Variants in LAMC1 observed in about 807,000 individuals in gnomAD.
LAMC1 encodes laminin subunit gamma 1, also known as laminin subunit gamma-1.
A neutral mutation model predicts 173.6 loss-of-function variants in LAMC1; 38 were observed. That is an observed-to-expected ratio of 0.22 (90% CI 0.17 to 0.29). The LOEUF (loss-of-function observed/expected upper bound fraction) is 0.29. Ranked by LOEUF, LAMC1 falls within the 10% of genes least tolerant of loss-of-function variation. The pLI, the probability that LAMC1 is intolerant of heterozygous loss-of-function variation, is 1.00. For synonymous variants in LAMC1, 746 were observed against 749.1 expected, an observed-to-expected ratio of 1.00 and a Z score of 0.07; for missense variants, 1,824 against 2,051.8, an observed-to-expected ratio of 0.89 and a Z score of 2.14.
chr1:183,075,694 G>C (rs1571424025), intron 1 of LAMC1, among the ~76,000 whole-genome samples: 1 of 152,042 alleles, frequency 6.6e-6, no homozygotes. Flanking sequence ...ACTCATTTTG[G>C]ATACTGATGA....
intron 1 of LAMC1, among the ~76,000 whole-genome samples, chr1:183,026,851 T>C (rs1218337874): frequency 6.6e-6 from 1 of 152,248 alleles, no homozygotes; most frequent in Non-Finnish European, 1.5e-5. Flanking sequence ...TTTTAAATTA[T>C]GAAAATGAAA....
At chr1:183,050,734 A>C (rs1328431326) in intron 1 of LAMC1, among the ~76,000 whole-genome samples, 1 of 150,462 alleles carries the variant, frequency 6.6e-6, no homozygotes, top group East Asian at 2.0e-4. Context: ...TCTACTAAAA[A>C]TACAAAATTA....
chr1:183,126,080 T>TGTTTTTCTTGCC (rs1656610561), intron 15 of LAMC1, 40 bp from the exon 16 acceptor site: 3 of 1,585,594 alleles, frequency 1.9e-6, no homozygotes, highest in Middle Eastern at 1.7e-4. Flanking sequence ...GCTTAAAGTC[T>TGTTTTTCTTGCC]GTTTTTCTTG....
intron 22 of LAMC1, among the ~76,000 whole-genome samples, chr1:183,134,107 A>G (rs1450735454): frequency 2.6e-5 from 4 of 152,318 alleles, no homozygotes; most frequent in East Asian, 1.9e-4. Context: ...TTTATTTCAT[A>G]TCTGTACTCT....
chr1:183,118,377 T>C (rs560445144), intron 11 of LAMC1, among the ~76,000 whole-genome samples: 1 of 152,288 alleles, frequency 6.6e-6, no homozygotes, highest in African/African-American at 2.4e-5. Context: ...GATTACTCAA[T>C]TGATCAGTAG....
intron 24 of LAMC1, among the ~76,000 whole-genome samples, chr1:183,135,750 A>C (rs58423714): frequency 0.017 from 2,527 of 152,038 alleles, 56 homozygotes; most frequent in South Asian, 0.091. Flanking sequence ...TTAGCCGGGC[A>C]TGCTGGCACA....
In LAMC1 at chr1:183,117,670, G is replaced by C. The variant is rs746943795; in HGVS notation, c.1824G>C (p.Leu608Phe). ...EGAGLRVSVPLIAQGNSYPSE... is the reference protein window; with the variant it reads ...EGAGLRVSVPFIAQGNSYPSE... ...CTGGCTTAAGAGTATCTGTACCCTT[G>C]ATCGCTCAGGGCAATTCCTATCCAA... Residue 608 changes from leucine (L) to phenylalanine (F), a missense_variant, in exon 10 of 28, where the codon TTG becomes TTC. By Grantham distance (22) the Leu-to-Phe change is conservative (BLOSUM62 0). Transcript: ENST00000258341. 6.2e-7 allele frequency: 1 copy of C among 1,614,192 alleles called. No homozygotes were observed. Among genetic ancestry groups the C allele is most frequent in the South Asian group, 1.1e-5 (1 of 91,088 alleles).
chr1:183,132,997 G>A (rs1240411303), intron 21 of LAMC1, among the ~76,000 whole-genome samples: 10 of 152,004 alleles, frequency 6.6e-5, no homozygotes, highest in Non-Finnish European at 1.3e-4. Flanking sequence ...TGCATCCTCT[G>A]CCTCCCGGGT....
In LAMC1 at chr1:183,133,460, A is replaced by G. The variant is rs1180366612; in HGVS notation, c.3759A>G (p.Val1253=). 5 of 1,614,046 alleles carry G rather than the reference A, an allele frequency of 3.1e-6. No individual in the cohort carries two copies. In the East Asian group the frequency reaches 6.7e-5, roughly 22 times the overall value. The change falls in exon 22 of 28, where the codon GTA becomes GTG. Residue 1253 remains valine (V), a synonymous_variant. Transcript: ENST00000258341. Reference sequence around the variant, plus strand: ...ATCTGGAAAAACAAGCTGCCCGAGTACATGAGGAGGCCAAAAGGGCCGGTG... The same window carrying G: ...ATCTGGAAAAACAAGCTGCCCGAGTGCATGAGGAGGCCAAAAGGGCCGGTG... The part of the protein sequence containing the change: ...SQDLEKQAAR[V]HEEAKRAGDK...
At chr1:183,071,661 T>C (rs960646941) in intron 1 of LAMC1, among the ~76,000 whole-genome samples, 22 of 152,230 alleles carry the variant, frequency 1.4e-4, no homozygotes, top group Non-Finnish European at 1.5e-5. Context: ...GCTGCACTGC[T>C]GTAAATAAAT....
At position 183,023,602 on chromosome 1, in the gene LAMC1, C is replaced by A; in HGVS notation, c.-115C>A. The A allele has an allele frequency of 1.2e-6, 1 of 804,694 alleles. No individual in the cohort carries two copies. The highest frequency in any genetic ancestry group is 1.6e-6 in the Non-Finnish European group (1 of 632,634). The allele number at this position is 804,694 out of a possible 1,614,324, so 49.8% of individuals were successfully genotyped here. On this transcript the variant is annotated 5_prime_UTR_variant, in exon 1 of 28. Coordinates refer to ENST00000258341, the MANE Select transcript of LAMC1 (RefSeq NM_002293.4). ...CCGCCGCCACCGCCCGCGCCGGAGT[C>A]AGGCCCCTGGGCCCCCAGGCTCAAG...
intron 1 of LAMC1, among the ~76,000 whole-genome samples, chr1:183,091,837 A>T (rs1468083619): frequency 6.6e-6 from 1 of 152,066 alleles, no homozygotes; most frequent in Non-Finnish European, 1.5e-5. Context: ...TTATTATAGG[A>T]AGGAAGGATG....
rs757948982 is a variant in LAMC1, at chr1:183,131,324, G to A, written c.3512G>A (p.Gly1171Glu). ...TCAGTCACTCAGCCAGAATCTACAG[G>A]GGACCCAAACAACATGACTCTTTTG... is the stretch of plus-strand genomic sequence containing the variant. ...NVSVTQPEST[G>E]DPNNMTLLAE... The change falls in exon 20 of 28, where the codon GGG (glycine) becomes GAG (glutamate). Residue 1171 changes from glycine (G) to glutamate (E), a missense_variant. Transcript: ENST00000258341. 2 of 1,613,846 alleles carry A rather than the reference G, an allele frequency of 1.2e-6. No homozygotes were observed. The highest frequency in any genetic ancestry group is 2.2e-5 in the South Asian group (2 of 91,072).
intron 2 of LAMC1, 142 bp downstream of exon 2, chr1:183,103,774 G>A (rs920068070): frequency 1.2e-5 from 7 of 581,526 alleles, no homozygotes; most frequent in African/African-American, 5.5e-5. Context: ...CAGAGAGCTT[G>A]ATTCTGCTCT....
At chr1:183,031,012 T>A (rs577751780) in intron 1 of LAMC1, among the ~76,000 whole-genome samples, 1 of 152,122 alleles carries the variant, frequency 6.6e-6, no homozygotes, top group African/African-American at 2.4e-5. Context: ...ATAAATAAAA[T>A]GTATATATTC....
At chr1:183,083,218 A>G (rs2102052324) in intron 1 of LAMC1, among the ~76,000 whole-genome samples, 1 of 152,328 alleles carries the variant, frequency 6.6e-6, no homozygotes, top group Non-Finnish European at 1.5e-5. Flanking sequence ...TTCATTCCAC[A>G]GGATTAGAGT....
At chr1:183,038,814 G>C (rs1018804494) in intron 1 of LAMC1, among the ~76,000 whole-genome samples, 1 of 152,110 alleles carries the variant, frequency 6.6e-6, no homozygotes, top group Admixed American at 6.6e-5. Context: ...AAGATTTGGA[G>C]TTTAATAGAC....
chr1:183,089,701 C>G (rs1282684566), intron 1 of LAMC1, among the ~76,000 whole-genome samples: 1 of 152,170 alleles, frequency 6.6e-6, no homozygotes, highest in African/African-American at 2.4e-5. Flanking sequence ...TTTAGATCGA[C>G]TTCTGATTGA....
intron 1 of LAMC1, among the ~76,000 whole-genome samples, chr1:183,075,598 AG>A (rs1201334078): frequency 6.6e-6 from 1 of 152,226 alleles, no homozygotes; most frequent in African/African-American, 2.4e-5. Context: ...ATGTATTACA[AG>A]GATAGGAAAT....
Sources: allele counts gnomAD v4.1 joint callset (sites outside exome capture counted in the v4.1 genomes callset), GRCh38; gene constraint gnomAD v4.1.1; transcripts MANE v1.5; gene names NCBI Gene and HGNC (gene_info 2026-07-23, HGNC 2026-07-21).